Variants in TMEM39A observed in about 807,000 individuals in gnomAD.
TMEM39A encodes the protein suppressor of SQST-1 aggregates in rpl-43 mutants.
TMEM39A carries 19 observed loss-of-function variants against 51.9 expected under a neutral mutation model. The observed-to-expected ratio is 0.37, with a 90% CI of 0.26 to 0.54. The LOEUF (loss-of-function observed/expected upper bound fraction) is 0.54, where lower values mean the gene tolerates loss of function less well. Among genes scored for constraint, TMEM39A ranks in the 20% least tolerant of loss-of-function variants. TMEM39A has a pLI of 0.88. For missense variants in TMEM39A, 433 were observed against 590.5 expected (o/e 0.73, Z 2.76); for synonymous variants, 197 against 220.2 (o/e 0.89, Z 0.93).
intron 2 of TMEM39A, among the ~76,000 whole-genome samples, chr3:119,458,506 A>G (rs917285553): frequency 2.0e-5 from 3 of 152,102 alleles, no homozygotes; most frequent in Non-Finnish European, 2.9e-5. Context: ...TCAACTCCCT[A>G]CTGGACATCT....
intron 3 of TMEM39A, among the ~76,000 whole-genome samples, chr3:119,457,261 C>T (rs571797216): frequency 2.0e-5 from 3 of 152,286 alleles, no homozygotes; most frequent in Admixed American, 1.3e-4. Flanking sequence ...TGAGCCACCG[C>T]GCCCGGCCTA....
intron 2 of TMEM39A, among the ~76,000 whole-genome samples, chr3:119,460,537 G>A (rs1026443193): frequency 6.6e-6 from 1 of 152,024 alleles, no homozygotes; most frequent in Non-Finnish European, 1.5e-5. Context: ...ATTAAAAGAA[G>A]ACGAGGAAAA....
intron 3 of TMEM39A, among the ~76,000 whole-genome samples, chr3:119,454,198 A>G (rs2081236080): frequency 6.6e-6 from 1 of 152,230 alleles, no homozygotes; most frequent in African/African-American, 2.4e-5. Flanking sequence ...ATTCGAGTGA[A>G]AAATGATAAC....
At chr3:119,447,839 G>C (rs2081148790) in intron 4 of TMEM39A, among the ~76,000 whole-genome samples, 1 of 152,024 alleles carries the variant, frequency 6.6e-6, no homozygotes, top group African/African-American at 2.4e-5. Flanking sequence ...GGCCAGGATT[G>C]TCCTAACTCC....
At chr3:119,445,058 T>C (rs974941668) in intron 5 of TMEM39A, among the ~76,000 whole-genome samples, 1 of 151,610 alleles carries the variant, frequency 6.6e-6, no homozygotes, top group African/African-American at 2.4e-5. Context: ...CCCGCCTGGA[T>C]GACAGAGCAA....
chr3:119,454,015 G>A (rs1239588345), intron 3 of TMEM39A, among the ~76,000 whole-genome samples: 1 of 152,144 alleles, frequency 6.6e-6, no homozygotes, highest in African/African-American at 2.4e-5. Flanking sequence ...ATGACAAAAA[G>A]GCACCTGGCA....
At position 119,463,411 on chromosome 3, in the gene TMEM39A, G is replaced by C. The variant is rs1184279556; in HGVS notation, c.-150C>G. On this transcript the variant is annotated 5_prime_UTR_variant, in exon 1 of 9. Transcript: ENST00000319172. ...ACTTTACAGACTGGACCCCAGGTAA[G>C]GGAACTCCCTCCCAGCGTTGGAACG... 9 of 394,212 alleles carry C rather than the reference G, an allele frequency of 2.3e-5. No individual in the cohort carries two copies. Among genetic ancestry groups the C allele is most frequent in the Non-Finnish European group, 4.0e-5 (9 of 223,928 alleles). The allele number at this position is 394,212 out of a possible 1,614,324, so 24.4% of individuals were successfully genotyped here.
chr3:119,446,014 AT>A (rs1483043739), intron 5 of TMEM39A, among the ~76,000 whole-genome samples: 2 of 152,214 alleles, frequency 1.3e-5, no homozygotes, highest in Non-Finnish European at 2.9e-5. Flanking sequence ...TACATACACT[AT>A]GTTTTTTCCT....
chr3:119,454,481 T>C (rs987910427), intron 3 of TMEM39A, among the ~76,000 whole-genome samples: 1 of 152,158 alleles, frequency 6.6e-6, no homozygotes, highest in Non-Finnish European at 1.5e-5. Context: ...CACCAGTCCA[T>C]CTAAGACATT....
chr3:119,451,344 A>T (rs1269933575), intron 4 of TMEM39A: 1 of 1,219,424 alleles, frequency 8.2e-7, no homozygotes, highest in Non-Finnish European at 1.1e-6. Context: ...GGGAAAAAGA[A>T]GTTGACTCTC....
chr3:119,429,651 CAACAA>C lies in TMEM39A; in HGVS notation c.*2325_*2329del, dbSNP rs1273427982. 1 of 151,994 alleles carries C rather than the reference CAACAA, an allele frequency of 6.6e-6. No individual in the cohort carries two copies. The highest frequency in any genetic ancestry group is 1.5e-5 in the Non-Finnish European group (1 of 67,980). 9.4% of individuals were successfully genotyped at this position (151,994 alleles called of 1,614,324 possible). A position where few individuals can be genotyped will look rare whatever the true frequency, so the allele number is the denominator to read the frequency against. The stretch of plus-strand genomic sequence containing the variant: ...GAACGTGGCCCCTACAAAAACAAAA[CAACAA>C]AACAAACAAACAAAAAACAGCTGGA... On this transcript the variant is annotated 3_prime_UTR_variant, in exon 9 of 9. Transcript: ENST00000319172.
At chr3:119,452,387 C>T in intron 4 of TMEM39A, 60 bp downstream of exon 4, 1 of 1,332,172 alleles carries the variant, frequency 7.5e-7, no homozygotes, top group Non-Finnish European at 1.1e-6. Context: ...TTTTAACCTG[C>T]ACCCATTCTA....
intron 7 of TMEM39A, 124 bp downstream of exon 7, chr3:119,436,667 C>A: frequency 9.9e-7 from 1 of 1,014,796 alleles, no homozygotes; most frequent in Non-Finnish European, 1.5e-6. Flanking sequence ...GACAAGCATC[C>A]ATGTAAGACA....
At chr3:119,449,887 C>A (rs948987280) in intron 4 of TMEM39A, among the ~76,000 whole-genome samples, 1 of 152,142 alleles carries the variant, frequency 6.6e-6, no homozygotes, top group African/African-American at 2.4e-5. Context: ...ACGGACTCTA[C>A]CTACGTGGAG....
At chr3:119,453,130 A>G (rs2081221397) in intron 3 of TMEM39A, among the ~76,000 whole-genome samples, 1 of 152,236 alleles carries the variant, frequency 6.6e-6, no homozygotes, top group Admixed American at 6.5e-5. Flanking sequence ...AACTGTGGTA[A>G]TAAGCAAATG....
At position 119,434,810 on chromosome 3, in the gene TMEM39A, C is replaced by T; in HGVS notation, c.1185G>A (p.Gly395=). The part of the protein sequence containing the change: ...RHSRCLYRAM[G]PYNVAVPSDV... ...CTGAAGGCACTGCCACGTTGTAAGG[C>T]CCCATGGCTCTATATAAACATCTGC... is the stretch of plus-strand genomic sequence containing the variant. The change falls in exon 8 of 9, where the codon GGG becomes GGA. Residue 395 remains glycine (G), a synonymous_variant. Coordinates refer to ENST00000319172, the MANE Select transcript of TMEM39A (RefSeq NM_018266.3). The T allele has an allele frequency of 6.2e-7, 1 of 1,613,802 alleles. No individual in the cohort carries two copies. The highest frequency in any genetic ancestry group is 2.2e-5 in the East Asian group (1 of 44,880).
At chr3:119,458,651 T>C (rs1348788517) in intron 2 of TMEM39A, among the ~76,000 whole-genome samples, 3 of 152,122 alleles carry the variant, frequency 2.0e-5, no homozygotes, top group South Asian at 2.1e-4. Flanking sequence ...TCCCAGCACT[T>C]TGGGAGGCCG....
chr3:119,432,222 G>C lies in TMEM39A; in HGVS notation c.1234-8C>G. 1.3e-6 allele frequency: 2 copies of C among 1,585,498 alleles called. No individual in the cohort carries two copies. The highest frequency in any genetic ancestry group is 1.7e-6 in the Non-Finnish European group (2 of 1,162,300). ...TGGTCGATGAAATAAGAACTGTAAGGAAGTTAAAAAAGTAAAACATTATTT... is the reference window on the plus strand; with the variant it reads ...TGGTCGATGAAATAAGAACTGTAAGCAAGTTAAAAAAGTAAAACATTATTT... On this transcript the variant is annotated splice_region_variant and splice_polypyrimidine_tract_variant and intron_variant, in intron 8 of 8. Coordinates refer to ENST00000319172, the MANE Select transcript of TMEM39A (RefSeq NM_018266.3).
intron 7 of TMEM39A, 183 bp downstream of exon 7, chr3:119,436,608 G>C (rs1041966860): frequency 1.7e-6 from 1 of 600,006 alleles, no homozygotes; most frequent in African/African-American, 1.8e-5. Context: ...AAGGAGCTGG[G>C]GTGGTGGTGG....
Sources: allele counts gnomAD v4.1 joint callset (sites outside exome capture counted in the v4.1 genomes callset), GRCh38; gene constraint gnomAD v4.1.1; transcripts MANE v1.5; gene names NCBI Gene and HGNC (gene_info 2026-07-23, HGNC 2026-07-21).